PHF2: variants seen among roughly 807,000 people sequenced by gnomAD.
The protein encoded by PHF2 is PHD finger protein 2.
A neutral mutation model predicts 120.5 loss-of-function variants in PHF2; 27 were observed. The observed-to-expected ratio is 0.22, with a 90% CI of 0.17 to 0.31. PHF2 has a LOEUF of 0.31. Among genes scored for constraint, PHF2 ranks in the 10% least tolerant of loss-of-function variants. The pLI is 1.00. For synonymous variants in PHF2, 568 were observed against 592.5 expected (o/e 0.96, Z 0.60); for missense variants, 1,024 against 1,434.8 (o/e 0.71, Z 4.63).
chr9:93,635,314 A>C (rs1587696360), intron 2 of PHF2, among the ~76,000 whole-genome samples: 1 of 151,966 alleles, frequency 6.6e-6, no homozygotes, highest in East Asian at 1.9e-4. Flanking sequence ...CCCCACAACC[A>C]CCGAGACTCA....
At chr9:93,642,149 C>T (rs560199630) in intron 3 of PHF2, among the ~76,000 whole-genome samples, 29 of 152,306 alleles carry the variant, frequency 1.9e-4, no homozygotes, top group Middle Eastern at 3.4e-3. Context: ...TATATCTTTT[C>T]TTATGACAGT....
At chr9:93,607,983 A>G (rs1825571408) in intron 1 of PHF2, among the ~76,000 whole-genome samples, 1 of 137,904 alleles carries the variant, frequency 7.3e-6, no homozygotes, top group African/African-American at 2.7e-5. Flanking sequence ...TGAGAGAGAG[A>G]CGGAGGGAGA....
chr9:93,636,607 C>A, intron 3 of PHF2, 82 bp downstream of exon 3: 1 of 1,013,162 alleles, frequency 9.9e-7, no homozygotes, highest in Non-Finnish European at 1.5e-6. Flanking sequence ...CTATCCATTG[C>A]TGGGGGCTTC....
Position 93,656,807 on chromosome 9 carries a change from G to A in PHF2, c.1147+212G>A, listed in dbSNP as rs956482814. Among the ~76,000 whole-genome samples the A allele has an allele frequency of 1.6e-4, 24 of 152,190 alleles. No homozygotes were observed. The highest frequency in any genetic ancestry group is 5.8e-4 in the African/African-American group (24 of 41,444). ...CTGGGCCTCTCCTTCCGATTGGACT[G>A]TCCCTTGTTTTAGAACGAACACTGG... On this transcript the variant is annotated intron_variant, in intron 9 of 21. Transcript: ENST00000359246. This position sits in a 1 kb window ranked among gnomAD's most constrained non-coding sequence, Gnocchi z 4.1.
intron 1 of PHF2, among the ~76,000 whole-genome samples, chr9:93,604,975 C>T (rs1825513139): frequency 6.6e-6 from 1 of 152,128 alleles, no homozygotes; most frequent in Non-Finnish European, 1.5e-5. Flanking sequence ...TAGACATGCA[C>T]ACAGAACTTC....
intron 1 of PHF2, among the ~76,000 whole-genome samples, chr9:93,624,794 C>T (rs1825883922): frequency 7.1e-6 from 1 of 140,520 alleles, no homozygotes; most frequent in African/African-American, 2.7e-5. Flanking sequence ...GATGGTGTGG[C>T]AGTGCTGGTG....
intron 9 of PHF2, among the ~76,000 whole-genome samples, chr9:93,657,178 G>A (rs780860499): frequency 2.0e-5 from 3 of 152,182 alleles, no homozygotes; most frequent in Non-Finnish European, 4.4e-5. Context: ...AGCAGCGTGA[G>A]GGAGCCTGCA....
At chr9:93,674,643 TG>T (rs1442853223) in intron 18 of PHF2, among the ~76,000 whole-genome samples, 1 of 151,976 alleles carries the variant, frequency 6.6e-6, no homozygotes, top group Admixed American at 6.6e-5. Flanking sequence ...TTGCAGGCAC[TG>T]GGGCTAGGCT....
intron 3 of PHF2, among the ~76,000 whole-genome samples, chr9:93,641,490 T>G (rs925443179): frequency 6.6e-6 from 1 of 152,248 alleles, no homozygotes; most frequent in East Asian, 1.9e-4. Flanking sequence ...AGCTCAATTC[T>G]CTGATGAATA....
chr9:93,635,199 T>A, intron 2 of PHF2, among the ~76,000 whole-genome samples: 1 of 152,096 alleles, frequency 6.6e-6, no homozygotes, highest in East Asian at 1.9e-4. Flanking sequence ...GAAGATTCTT[T>A]GCAAATAAAA....
chr9:93,594,492 T>A (rs1328950080), intron 1 of PHF2, among the ~76,000 whole-genome samples: 1 of 152,200 alleles, frequency 6.6e-6, no homozygotes, highest in African/African-American at 2.4e-5. Flanking sequence ...GCAGGGCGTG[T>A]CACAGCTGTC....
In PHF2 at chr9:93,669,422, AG is replaced by A. The variant is rs1255702717; in HGVS notation, c.2348+2186del. Among the ~76,000 whole-genome samples the A allele has an allele frequency of 5.3e-5, 8 of 152,348 alleles. 1 individual carries two copies. The East Asian group carries it at 9.6e-4, about 18-fold the overall frequency. On this transcript the variant is annotated intron_variant, in intron 17 of 21. Coordinates refer to ENST00000359246, the MANE Select transcript of PHF2 (RefSeq NM_005392.4). ...CCTTCAGTGCTGCAGCTTGTGTGGCAGGGGCAGTGTGGTCCTGGCACTGTGG... is the reference window on the plus strand; with the variant it reads ...CCTTCAGTGCTGCAGCTTGTGTGGCAGGGCAGTGTGGTCCTGGCACTGTGG...
rs531433551 is a variant in PHF2, at chr9:93,660,960, C to T, written c.1698+400C>T. Among the ~76,000 whole-genome samples, 16 of 152,298 alleles carry T rather than the reference C, an allele frequency of 1.1e-4. No homozygotes were observed. In the South Asian group the frequency reaches 3.3e-3, roughly 32 times the overall value. On this transcript the variant is annotated intron_variant, in intron 12 of 21. Coordinates refer to ENST00000359246, the MANE Select transcript of PHF2 (RefSeq NM_005392.4). ...GGATGTCTAGTTTAGGTTTCCTAGC[C>T]AGATGAGCAGTTGCCAGGGGACAAA...
chr9:93,599,281 G>A (rs1486189753), intron 1 of PHF2, among the ~76,000 whole-genome samples: 2 of 152,224 alleles, frequency 1.3e-5, no homozygotes, highest in Admixed American at 6.5e-5. Context: ...AGCAATGATA[G>A]GCAGGGATTA....
intron 1 of PHF2, among the ~76,000 whole-genome samples, chr9:93,585,845 A>G (rs1863032324): frequency 6.6e-6 from 1 of 152,258 alleles, no homozygotes; most frequent in Non-Finnish European, 1.5e-5. Context: ...AGCTTGGGCC[A>G]TTGGAAAGAG....
At chr9:93,581,108 CGTCT>C (rs1345855471) in intron 1 of PHF2, among the ~76,000 whole-genome samples, 4 of 152,196 alleles carry the variant, frequency 2.6e-5, no homozygotes, top group African/African-American at 9.6e-5. Context: ...CCTCTGTGTC[CGTCT>C]GTCTGTCTGG....
In PHF2 at chr9:93,677,830, G is replaced by C. The variant is rs763110727; in HGVS notation, c.*154G>C. On this transcript the variant is annotated 3_prime_UTR_variant, in exon 22 of 22. Transcript: ENST00000359246. This position sits in a 1 kb window ranked among gnomAD's most constrained non-coding sequence, Gnocchi z 4.4. The stretch of plus-strand genomic sequence containing the variant: ...CCAACAAGCGTCTGTCCCTTCAGCC[G>C]GCAGAGCGAGCCCAGCGTGGCCCCT... 13 of 616,610 alleles carry C rather than the reference G, an allele frequency of 2.1e-5. No individual in the cohort carries two copies. The highest frequency in any genetic ancestry group is 3.2e-5 in the Non-Finnish European group (11 of 343,350). 38.2% of individuals were successfully genotyped at this position (616,610 alleles called of 1,614,324 possible). A position where few individuals can be genotyped will look rare whatever the true frequency, so the allele number is the denominator to read the frequency against.
intron 1 of PHF2, among the ~76,000 whole-genome samples, chr9:93,623,012 G>T (rs1171154348): frequency 6.6e-6 from 1 of 152,224 alleles, no homozygotes; most frequent in African/African-American, 2.4e-5. Flanking sequence ...GGTGTAGCCT[G>T]TCCTGTGCCT....
intron 14 of PHF2, among the ~76,000 whole-genome samples, chr9:93,664,410 C>T (rs926997538): frequency 6.6e-6 from 1 of 152,214 alleles, no homozygotes; most frequent in Non-Finnish European, 1.5e-5. Context: ...TGTGTGTGCT[C>T]CCGGTGCGTG....
Sources: allele counts gnomAD v4.1 joint callset (sites outside exome capture counted in the v4.1 genomes callset), GRCh38; gene constraint gnomAD v4.1.1; non-coding constraint Gnocchi (gnomAD v3.1); transcripts MANE v1.5; gene names NCBI Gene and HGNC (gene_info 2026-07-23, HGNC 2026-07-21).